The following DNAJC3 variants were observed in gnomAD, a reference collection of about 807,000 sequenced individuals.
DNAJC3 encodes the protein DnaJ heat shock protein family (Hsp40) member C3, also known as dnaJ homolog subfamily C member 3.
In DNAJC3, 38 loss-of-function variants were observed where a neutral mutation model predicts 68.6. The observed-to-expected ratio is 0.55, with a 90% CI of 0.43 to 0.73. The LOEUF (loss-of-function observed/expected upper bound fraction) is 0.73, where lower values mean the gene tolerates loss of function less well. Ranked by LOEUF, DNAJC3 falls within the 30% of genes least tolerant of loss-of-function variation. DNAJC3 has a pLI of 0.00. For missense variants in DNAJC3, 526 were observed against 591.9 expected, an observed-to-expected ratio of 0.89 and a Z score of 1.16; for synonymous variants, 203 against 204.0, an observed-to-expected ratio of 1.00 and a Z score of 0.04.
intron 4 of DNAJC3, among the ~76,000 whole-genome samples, chr13:95,755,573 A>G (rs768058948): frequency 6.6e-6 from 1 of 151,790 alleles, no homozygotes; most frequent in Non-Finnish European, 1.5e-5. Context: ...CCTGGCCAAT[A>G]TGGTGAAACA....
At chr13:95,765,577 T>TG (rs1325132963) in intron 9 of DNAJC3, among the ~76,000 whole-genome samples, 1 of 149,366 alleles carries the variant, frequency 6.7e-6, no homozygotes, top group Non-Finnish European at 1.5e-5. Context: ...GTTTTTTTTT[T>TG]TTTTTTTTTT....
chr13:95,783,051 A>G (rs1363747499), intron 9 of DNAJC3, among the ~76,000 whole-genome samples: 2 of 152,150 alleles, frequency 1.3e-5, no homozygotes, highest in African/African-American at 4.8e-5. Context: ...GTTTTCCAAC[A>G]CCATTTATTA....
intron 2 of DNAJC3, among the ~76,000 whole-genome samples, chr13:95,713,802 T>G (rs1294761021): frequency 2.0e-5 from 3 of 152,156 alleles, no homozygotes; most frequent in Non-Finnish European, 4.4e-5. Flanking sequence ...CCTTCTTCCT[T>G]CTTATGAGAG....
intron 9 of DNAJC3, among the ~76,000 whole-genome samples, chr13:95,776,123 T>A (rs534136123): frequency 6.6e-6 from 1 of 152,130 alleles, no homozygotes; most frequent in Non-Finnish European, 1.5e-5. Context: ...TTTTTCTGTC[T>A]TCTTTTTAAA....
At chr13:95,755,823 G>C (rs59178254) in intron 4 of DNAJC3, among the ~76,000 whole-genome samples, 2,144 of 148,256 alleles carry the variant, frequency 0.014, 53 homozygotes, top group African/African-American at 0.051. Flanking sequence ...AATTTCATCT[G>C]GCTTGACTCT....
intron 1 of DNAJC3, among the ~76,000 whole-genome samples, chr13:95,697,504 TGTATA>T (rs964415950): frequency 1.3e-5 from 2 of 152,234 alleles, no homozygotes; most frequent in Non-Finnish European, 2.9e-5. Context: ...ATGTTCGTCT[TGTATA>T]GTATCTTCCA....
intron 4 of DNAJC3, among the ~76,000 whole-genome samples, chr13:95,734,880 A>G (rs1290410213): frequency 6.7e-6 from 1 of 149,260 alleles, no homozygotes; most frequent in African/African-American, 2.5e-5. Context: ...CAGGTTAGTT[A>G]CATATGTATA....
At chr13:95,702,623 C>T (rs1880615689) in intron 1 of DNAJC3, among the ~76,000 whole-genome samples, 1 of 152,146 alleles carries the variant, frequency 6.6e-6, no homozygotes, top group Admixed American at 6.6e-5. Context: ...CATAGGGACT[C>T]AACAAGAAAG....
At chr13:95,776,069 C>T (rs1481553401) in intron 9 of DNAJC3, among the ~76,000 whole-genome samples, 1 of 151,874 alleles carries the variant, frequency 6.6e-6, no homozygotes. Flanking sequence ...GCCTGGCCTG[C>T]TGCACATCTT....
intron 1 of DNAJC3, among the ~76,000 whole-genome samples, chr13:95,688,941 T>G (rs993290633): frequency 6.7e-6 from 1 of 149,860 alleles, no homozygotes; most frequent in African/African-American, 2.5e-5. Context: ...TGTGTGTGTG[T>G]GTGTGTGTGT....
At chr13:95,701,998 C>G (rs1880597335) in intron 1 of DNAJC3, among the ~76,000 whole-genome samples, 1 of 152,196 alleles carries the variant, frequency 6.6e-6, no homozygotes. Context: ...AACACATATG[C>G]ATCTGGACAT....
In DNAJC3 at chr13:95,769,958, G is replaced by T. The variant is rs1280752768; in HGVS notation, c.1075+6005G>T. Among the ~76,000 whole-genome samples, 5 of 152,176 alleles carry T rather than the reference G, an allele frequency of 3.3e-5. No individual in the cohort carries two copies. In the South Asian group the frequency reaches 8.3e-4, roughly 25 times the overall value. Reference sequence around the variant, plus strand: ...AGTCAAGCAGTATTATTCAGAAAAAGATACAAGGCAGATTTCCAAATTATG... The same window carrying T: ...AGTCAAGCAGTATTATTCAGAAAAATATACAAGGCAGATTTCCAAATTATG... On this transcript the variant is annotated intron_variant, in intron 9 of 11. Coordinates refer to ENST00000602402, the MANE Select transcript of DNAJC3 (RefSeq NM_006260.5).
intron 7 of DNAJC3, among the ~76,000 whole-genome samples, chr13:95,762,621 C>A (rs1293495350): frequency 2.0e-5 from 3 of 151,926 alleles, no homozygotes; most frequent in Non-Finnish European, 4.4e-5. Flanking sequence ...TTGTTTTCTT[C>A]TTTAAGTTCC....
At chr13:95,714,150 A>G (rs1453258915) in intron 2 of DNAJC3, among the ~76,000 whole-genome samples, 1 of 152,244 alleles carries the variant, frequency 6.6e-6, no homozygotes, top group East Asian at 1.9e-4. Context: ...TGGTCCAGTT[A>G]TGTAAGAAAA....
intron 10 of DNAJC3, among the ~76,000 whole-genome samples, chr13:95,786,750 A>G (rs1468067855): frequency 1.3e-5 from 2 of 152,122 alleles, no homozygotes; most frequent in African/African-American, 4.8e-5. Flanking sequence ...ACCTTTTTTA[A>G]AAAAGGGAAA....
chr13:95,728,950 GA>G (rs1192412971), intron 4 of DNAJC3, among the ~76,000 whole-genome samples: 3 of 151,650 alleles, frequency 2.0e-5, no homozygotes, highest in Non-Finnish European at 2.9e-5. Context: ...GCCTCCCACT[GA>G]CACACCCTTT....
intron 1 of DNAJC3, among the ~76,000 whole-genome samples, chr13:95,705,220 A>G (rs933192097): frequency 2.0e-5 from 3 of 152,122 alleles, no homozygotes; most frequent in African/African-American, 4.8e-5. Context: ...TCATGGGTCC[A>G]TTGCACAAGC....
intron 4 of DNAJC3, among the ~76,000 whole-genome samples, chr13:95,750,262 C>CAAAA (rs1204619522): frequency 1.2e-4 from 8 of 65,690 alleles, no homozygotes; most frequent in African/African-American, 2.0e-4. Context: ...GACCCTGTCT[C>CAAAA]AAAAAAAAAA....
rs552474554 is a variant in DNAJC3 at position 95,794,390 on chromosome 13, T to C, written c.*3360T>C. On this transcript the variant is annotated 3_prime_UTR_variant, in exon 12 of 12. Transcript: ENST00000602402. ...ACAGACACGGCCCTGGTGATGGGCG[T>C]TGCAAAGTTTTCACTGAGCACACAG... 93 of 152,320 alleles carry C rather than the reference T, an allele frequency of 6.1e-4. No individual in the cohort carries two copies. Among genetic ancestry groups the C allele is most frequent in the African/African-American group, 2.1e-3 (86 of 41,574 alleles). The allele number at this position is 152,320 out of a possible 1,614,324, so 9.4% of individuals were successfully genotyped here.
Sources: allele counts gnomAD v4.1 joint callset (sites outside exome capture counted in the v4.1 genomes callset), GRCh38; gene constraint gnomAD v4.1.1; transcripts MANE v1.5; gene names NCBI Gene and HGNC (gene_info 2026-07-23, HGNC 2026-07-21).